Variants in GNAQ observed in about 807,000 individuals in gnomAD.
GNAQ encodes the protein G protein subunit alpha q, also known as guanine nucleotide-binding protein G(q) subunit alpha.
GNAQ carries 8 observed loss-of-function variants against 43.9 expected under a neutral mutation model. The observed-to-expected ratio is 0.18, with a 90% CI of 0.11 to 0.33. GNAQ has a LOEUF of 0.33. Among genes scored for constraint, GNAQ ranks in the 10% least tolerant of loss-of-function variants. The pLI, the probability that GNAQ is intolerant of heterozygous loss-of-function variation, is 1.00. For synonymous variants in GNAQ, 155 were observed against 170.7 expected (o/e 0.91, Z 0.71); for missense variants, 158 against 450.8 (o/e 0.35, Z 5.88).
At position 77,718,324 on chromosome 9, in the gene GNAQ, G is replaced by A. The variant is rs989634743; in HGVS notation, c.*2999C>T. ...ACAAAACTGAAAAGAATCCCGTCCC[G>A]CCCCTAGCCCCTTCAATAAAACCCC... is the stretch of plus-strand genomic sequence containing the variant. On this transcript the variant is annotated 3_prime_UTR_variant, in exon 7 of 7. Coordinates refer to ENST00000286548, the MANE Select transcript of GNAQ (RefSeq NM_002072.5). The A allele has an allele frequency of 1.7e-5, 4 of 231,842 alleles. No individual in the cohort carries two copies. The highest frequency in any genetic ancestry group is 3.4e-5 in the Non-Finnish European group (4 of 117,298). 14.4% of individuals were successfully genotyped at this position (231,842 alleles called of 1,614,324 possible).
chr9:77,982,878 C>T (rs1252798720), intron 1 of GNAQ, among the ~76,000 whole-genome samples: 2 of 151,784 alleles, frequency 1.3e-5, no homozygotes, highest in Admixed American at 1.3e-4. Flanking sequence ...CACACACCAA[C>T]ATGGCACATG....
At chr9:78,017,388 G>T (rs1355421518) in intron 1 of GNAQ, among the ~76,000 whole-genome samples, 1 of 152,160 alleles carries the variant, frequency 6.6e-6, no homozygotes, top group African/African-American at 2.4e-5. Flanking sequence ...CCATAAATAT[G>T]TTCCAAAAGA....
At chr9:78,001,805 A>G (rs915373846) in intron 1 of GNAQ, among the ~76,000 whole-genome samples, 4 of 152,176 alleles carry the variant, frequency 2.6e-5, no homozygotes, top group Non-Finnish European at 5.9e-5. Flanking sequence ...CCTTAAATTT[A>G]ACCAACATTC....
In GNAQ at chr9:77,828,367, A is replaced by G. The variant is rs1827240320; in HGVS notation, c.322-12597T>C. On this transcript the variant is annotated intron_variant, in intron 2 of 6. Transcript: ENST00000286548. Reference sequence around the variant, plus strand: ...GTGTTGCCAGTAGACACTGCACAGGAGGTGCTAACCTATAGATCTGGTGAA... The same window carrying G: ...GTGTTGCCAGTAGACACTGCACAGGGGGTGCTAACCTATAGATCTGGTGAA... Among the ~76,000 whole-genome samples the G allele has an allele frequency of 1.3e-5, 2 of 152,166 alleles. 1 individual carries two copies. The highest frequency in any genetic ancestry group is 4.1e-4 in the South Asian group (2 of 4,826).
chr9:77,820,187 A>G (rs1448427537), intron 2 of GNAQ, among the ~76,000 whole-genome samples: 1 of 152,120 alleles, frequency 6.6e-6, no homozygotes, highest in Non-Finnish European at 1.5e-5. Flanking sequence ...ACTGAAGCCT[A>G]AATTTGCTCA....
chr9:77,824,093 A>G (rs898470590), intron 2 of GNAQ, among the ~76,000 whole-genome samples: 3 of 152,184 alleles, frequency 2.0e-5, no homozygotes, highest in Non-Finnish European at 4.4e-5. Flanking sequence ...TCTCTTTCTA[A>G]CATCATGTCC....
rs2026000 is a variant in GNAQ at position 77,720,065 on chromosome 9, A to G, written c.*1258T>C. The stretch of plus-strand genomic sequence containing the variant: ...GAGACATAAACAGATTTCCTGTTAA[A>G]CCACACAGGATACTTTTTACATTGC... On this transcript the variant is annotated 3_prime_UTR_variant, in exon 7 of 7. Coordinates refer to ENST00000286548, the MANE Select transcript of GNAQ (RefSeq NM_002072.5). The G allele has an allele frequency of 0.59, 136,133 of 232,524 alleles. 43,746 individuals carry two copies. The highest frequency in any genetic ancestry group is 0.71 in the Non-Finnish European group (83,045 of 117,698). The allele number at this position is 232,524 out of a possible 1,614,324, so 14.4% of individuals were successfully genotyped here. A position where few individuals can be genotyped will look rare whatever the true frequency, so the allele number is the denominator to read the frequency against.
At chr9:77,908,524 A>G (rs1443105446) in intron 2 of GNAQ, among the ~76,000 whole-genome samples, 1 of 152,212 alleles carries the variant, frequency 6.6e-6, no homozygotes, top group African/African-American at 2.4e-5. Flanking sequence ...ACCATTTAGT[A>G]GACACTGACT....
intron 5 of GNAQ, among the ~76,000 whole-genome samples, chr9:77,748,951 G>C (rs1036128203): frequency 1.3e-5 from 2 of 152,138 alleles, no homozygotes; most frequent in Non-Finnish European, 2.9e-5. Context: ...CTCAGGGTAA[G>C]AAAGGGAAAG....
At chr9:77,940,449 G>A (rs1829297855) in intron 1 of GNAQ, among the ~76,000 whole-genome samples, 3 of 152,028 alleles carry the variant, frequency 2.0e-5, no homozygotes. Flanking sequence ...GGGCATGGTG[G>A]GCACCTGTGG....
intron 5 of GNAQ, among the ~76,000 whole-genome samples, chr9:77,734,393 A>T (rs2118238099): frequency 6.6e-6 from 1 of 152,302 alleles, no homozygotes; most frequent in East Asian, 1.9e-4. Flanking sequence ...TACATTGATA[A>T]ACCATATTGA....
At chr9:77,804,719 T>C (rs1024826608) in intron 3 of GNAQ, among the ~76,000 whole-genome samples, 19 of 152,192 alleles carry the variant, frequency 1.2e-4, no homozygotes, top group African/African-American at 4.6e-4. Context: ...TGGGGAGCTC[T>C]TTGACCCCTA....
At chr9:77,762,537 G>A (rs1826060077) in intron 5 of GNAQ, among the ~76,000 whole-genome samples, 1 of 149,608 alleles carries the variant, frequency 6.7e-6, no homozygotes. Context: ...CCTCTGCCCG[G>A]CCGCCCCTAC....
In GNAQ at chr9:77,716,383, C is replaced by A; in HGVS notation, c.*4940G>T. The A allele has an allele frequency of 8.6e-6, 2 of 232,550 alleles. No homozygotes were observed. Among genetic ancestry groups the A allele is most frequent in the African/African-American group, 4.4e-5 (2 of 45,406 alleles). 14.4% of individuals were successfully genotyped at this position (232,550 alleles called of 1,614,324 possible). Reference sequence around the variant, plus strand: ...TCCCATCCCCAAACAATAGACAGTACATGCATTTGAATGACATTTTAGGAA... The same window carrying A: ...TCCCATCCCCAAACAATAGACAGTAAATGCATTTGAATGACATTTTAGGAA... On this transcript the variant is annotated 3_prime_UTR_variant, in exon 7 of 7. Coordinates refer to ENST00000286548, the MANE Select transcript of GNAQ (RefSeq NM_002072.5).
intron 5 of GNAQ, among the ~76,000 whole-genome samples, chr9:77,785,402 G>A (rs1826459559): frequency 6.6e-6 from 1 of 152,164 alleles, no homozygotes; most frequent in Non-Finnish European, 1.5e-5. Flanking sequence ...TCCAGAACCG[G>A]GGAGAATAAG....
At chr9:77,986,389 A>G (rs1437621222) in intron 1 of GNAQ, among the ~76,000 whole-genome samples, 2 of 152,210 alleles carry the variant, frequency 1.3e-5, no homozygotes, top group Non-Finnish European at 2.9e-5. Context: ...AATAATCTCT[A>G]TAAAAGCAGC....
intron 2 of GNAQ, among the ~76,000 whole-genome samples, chr9:77,877,068 C>G (rs1392708454): frequency 6.6e-6 from 1 of 152,122 alleles, no homozygotes; most frequent in Non-Finnish European, 1.5e-5. Flanking sequence ...TATTTGGAGT[C>G]ATTTGAGACT....
intron 2 of GNAQ, among the ~76,000 whole-genome samples, chr9:77,894,859 A>G: frequency 6.6e-6 from 1 of 152,022 alleles, no homozygotes; most frequent in Non-Finnish European, 1.5e-5. Context: ...ATTATACCTC[A>G]ATATAATATT....
chr9:77,946,263 G>C (rs1022828751), intron 1 of GNAQ, among the ~76,000 whole-genome samples: 2 of 152,142 alleles, frequency 1.3e-5, no homozygotes, highest in Admixed American at 6.5e-5. Flanking sequence ...TTCTTGGTGA[G>C]TAAAATATCC....
Sources: gnomAD v4.1 joint callset for allele counts (sites outside exome capture counted in the v4.1 genomes callset) on GRCh38, gnomAD v4.1.1 for gene constraint, MANE v1.5 for transcripts, NCBI Gene and HGNC (gene_info 2026-07-23, HGNC 2026-07-21) for gene names.